Variants in ST7 observed in about 807,000 individuals in gnomAD.
The protein encoded by ST7 is suppressor of tumorigenicity 7 protein.
In ST7, 28 loss-of-function variants were observed where a neutral mutation model predicts 78.7. That is an observed-to-expected ratio of 0.36 (90% CI 0.26 to 0.49). The LOEUF (loss-of-function observed/expected upper bound fraction) is 0.49, where lower values mean the gene tolerates loss of function less well. Among genes scored for constraint, ST7 ranks in the 20% least tolerant of loss-of-function variants. The pLI, the probability that ST7 is intolerant of heterozygous loss-of-function variation, is 0.99. For missense variants in ST7, 418 were observed against 696.0 expected, an observed-to-expected ratio of 0.60 and a Z score of 4.49; for synonymous variants, 247 against 249.6, an observed-to-expected ratio of 0.99 and a Z score of 0.10.
chr7:117,018,224 ACTATTT>A (rs1795710251), intron 1 of ST7, among the ~76,000 whole-genome samples: 1 of 152,092 alleles, frequency 6.6e-6, no homozygotes, highest in Non-Finnish European at 1.5e-5. Flanking sequence ...ACATCCATCC[ACTATTT>A]GAGTGACTAT....
intron 13 of ST7, among the ~76,000 whole-genome samples, chr7:117,216,612 C>T (rs1365702145): frequency 1.3e-5 from 2 of 152,080 alleles, no homozygotes; most frequent in Non-Finnish European, 2.9e-5. Context: ...TGGGAGGTGA[C>T]GCTGGCAAGG....
chr7:116,976,329 A>G (rs1475329557), intron 1 of ST7, among the ~76,000 whole-genome samples: 1 of 152,176 alleles, frequency 6.6e-6, no homozygotes, highest in Non-Finnish European at 1.5e-5. Flanking sequence ...CAGTGGCTTC[A>G]TATAGTAAGT....
chr7:116,975,679 A>C (rs985764630), intron 1 of ST7, among the ~76,000 whole-genome samples: 17 of 151,276 alleles, frequency 1.1e-4, no homozygotes, highest in Non-Finnish European at 2.2e-4. Context: ...AAGTGCTGGA[A>C]TTACAGGCAT....
At chr7:117,216,696 C>T (rs1792713941) in intron 13 of ST7, among the ~76,000 whole-genome samples, 1 of 152,118 alleles carries the variant, frequency 6.6e-6, no homozygotes, top group African/African-American at 2.4e-5. Context: ...CCCTGCACTG[C>T]AGGGTGGGTA....
At chr7:117,153,405 T>A (rs946325294) in intron 9 of ST7, among the ~76,000 whole-genome samples, 60 of 151,986 alleles carry the variant, frequency 3.9e-4, no homozygotes, top group African/African-American at 1.4e-3. Flanking sequence ...GTGATTTAGA[T>A]AGTGAGTGAA....
chr7:116,972,970 G>A (rs1157180888), intron 1 of ST7: 2 of 877,218 alleles, frequency 2.3e-6, no homozygotes, highest in Non-Finnish European at 3.7e-6. Context: ...TGGTGTTGCA[G>A]CCTCCTCTCC....
intron 12 of ST7, among the ~76,000 whole-genome samples, chr7:117,194,770 T>C (rs543151546): frequency 6.6e-6 from 1 of 152,346 alleles, no homozygotes; most frequent in African/African-American, 2.4e-5. Flanking sequence ...ATATGCTGCA[T>C]GCTCACTCTG....
At chr7:117,037,696 G>T (rs1407926099) in intron 1 of ST7, among the ~76,000 whole-genome samples, 1 of 152,178 alleles carries the variant, frequency 6.6e-6, no homozygotes, top group Non-Finnish European at 1.5e-5. Flanking sequence ...GGGATCAAAT[G>T]AGACTTCCGA....
chr7:117,183,291 T>C (rs1032619083), intron 10 of ST7, among the ~76,000 whole-genome samples: 1 of 151,948 alleles, frequency 6.6e-6, no homozygotes, highest in Non-Finnish European at 1.5e-5. Flanking sequence ...CCAGGCGTGG[T>C]GGTGTGCACC....
intron 12 of ST7, among the ~76,000 whole-genome samples, chr7:117,207,396 C>T (rs557809856): frequency 7.2e-5 from 11 of 152,216 alleles, no homozygotes; most frequent in South Asian, 2.1e-4. Flanking sequence ...CCCGCCACGA[C>T]CTCCCAAAGT....
At chr7:117,161,223 A>T (rs12333994) in intron 9 of ST7, among the ~76,000 whole-genome samples, 10,628 of 152,242 alleles carry the variant, frequency 0.07, 499 homozygotes, top group East Asian at 0.19. Context: ...GGTCTGATGA[A>T]AATTCAACTC....
chr7:117,170,016 G>T (rs772608653), intron 9 of ST7, among the ~76,000 whole-genome samples: 6 of 151,846 alleles, frequency 4.0e-5, no homozygotes, highest in Non-Finnish European at 7.4e-5. Context: ...CTTTTAACCC[G>T]TGTCACTTTC....
At chr7:117,066,759 C>A (rs572484337) in intron 1 of ST7, among the ~76,000 whole-genome samples, 2 of 116,568 alleles carry the variant, frequency 1.7e-5, no homozygotes, top group African/African-American at 6.3e-5. Context: ...AGACTGACTC[C>A]GTCTCAAAAA....
At chr7:117,108,937 G>A (rs1802195242) in intron 2 of ST7, among the ~76,000 whole-genome samples, 2 of 152,072 alleles carry the variant, frequency 1.3e-5, no homozygotes, top group Non-Finnish European at 2.9e-5. Flanking sequence ...ACTAATTTGC[G>A]TACATTAATT....
At chr7:117,058,585 T>A (rs954599143) in intron 1 of ST7, among the ~76,000 whole-genome samples, 3 of 152,180 alleles carry the variant, frequency 2.0e-5, no homozygotes, top group Admixed American at 6.5e-5. Context: ...AAGGGAAATA[T>A]TTAAGAATTA....
chr7:117,036,141 A>G (rs926203754), intron 1 of ST7, among the ~76,000 whole-genome samples: 5 of 152,178 alleles, frequency 3.3e-5, no homozygotes, highest in African/African-American at 7.2e-5. Context: ...ATTGTTTGGT[A>G]CTGTTTGGCA....
intron 2 of ST7, among the ~76,000 whole-genome samples, chr7:117,100,657 A>AG (rs571027968): frequency 8.8e-4 from 134 of 152,148 alleles, no homozygotes; most frequent in African/African-American, 3.1e-3. Context: ...TTTAAAAAAA[A>AG]TCCCTAAAAT....
chr7:116,986,053 A>C (rs1428171718), intron 1 of ST7, among the ~76,000 whole-genome samples: 2 of 152,180 alleles, frequency 1.3e-5, no homozygotes, highest in Non-Finnish European at 2.9e-5. Context: ...GGCTGGTCTC[A>C]AACTCCTGAC....
At chr7:117,226,197 T>C (rs1198694358) in intron 15 of ST7, among the ~76,000 whole-genome samples, 1 of 152,206 alleles carries the variant, frequency 6.6e-6, no homozygotes, top group Non-Finnish European at 1.5e-5. Context: ...AGAGGCGTTT[T>C]GAATGTTAAT....
Sources: allele counts gnomAD v4.1 joint callset (sites outside exome capture counted in the v4.1 genomes callset), GRCh38; gene constraint gnomAD v4.1.1; transcripts MANE v1.5; gene names NCBI Gene and HGNC (gene_info 2026-07-23, HGNC 2026-07-21).